The following ARID3B variants were observed in gnomAD, a reference collection of about 807,000 sequenced individuals.
The protein encoded by ARID3B is AT-rich interactive domain-containing protein 3B.
A neutral mutation model predicts 51.9 loss-of-function variants in ARID3B; 10 were observed. That is an observed-to-expected ratio of 0.19 (90% CI 0.12 to 0.33). The LOEUF (loss-of-function observed/expected upper bound fraction) is 0.33. Among genes scored for constraint, ARID3B ranks in the 10% least tolerant of loss-of-function variants. ARID3B has a pLI of 1.00. For missense variants in ARID3B, 483 were observed against 716.3 expected, an observed-to-expected ratio of 0.67 and a Z score of 3.72; for synonymous variants, 205 against 279.5, an observed-to-expected ratio of 0.73 and a Z score of 2.66.
rs532091048 is a variant in ARID3B, at chr15:74,578,685, T to C, written c.697+5481T>C. Among the ~76,000 whole-genome samples the C allele has an allele frequency of 9.9e-5, 15 of 152,238 alleles. No individual in the cohort carries two copies. The South Asian group carries it at 2.9e-3, about 29-fold the overall frequency. On this transcript the variant is annotated intron_variant, in intron 4 of 8. Coordinates refer to ENST00000346246, the MANE Select transcript of ARID3B (RefSeq NM_006465.4). ...ATCACAGGAGTCACTGGAAATAGCC[T>C]GAGTTAGCCTGGACAACATAGTGAG... is the stretch of plus-strand genomic sequence containing the variant.
chr15:74,581,212 T>C (rs1339323206), intron 4 of ARID3B, among the ~76,000 whole-genome samples: 1 of 152,230 alleles, frequency 6.6e-6, no homozygotes, highest in East Asian at 1.9e-4. Context: ...AAACTGACCT[T>C]GGTTTTCCCA....
chr15:74,582,001 C>T (rs1458904121), intron 4 of ARID3B, among the ~76,000 whole-genome samples: 6 of 152,186 alleles, frequency 3.9e-5, no homozygotes, highest in Admixed American at 2.6e-4. Flanking sequence ...GTGCACTGCT[C>T]AGGCCAGAAG....
At chr15:74,552,608 C>G (rs981363832) in intron 2 of ARID3B, among the ~76,000 whole-genome samples, 1 of 151,834 alleles carries the variant, frequency 6.6e-6, no homozygotes, top group Non-Finnish European at 1.5e-5. Context: ...ATCTTTCCCT[C>G]CCCCTTAACC....
intron 4 of ARID3B, among the ~76,000 whole-genome samples, chr15:74,588,399 G>C (rs1399865257): frequency 6.6e-6 from 1 of 152,180 alleles, no homozygotes; most frequent in South Asian, 2.1e-4. Context: ...TTTAGGGAAA[G>C]AAGGCGGATG....
intron 4 of ARID3B, chr15:74,573,473 C>T (rs1372239669): frequency 2.0e-6 from 1 of 489,558 alleles, no homozygotes; most frequent in East Asian, 3.5e-5. Flanking sequence ...TCTCTGGAGT[C>T]ACTTCAAATT....
chr15:74,593,611 T>C (rs1338977795), intron 8 of ARID3B, among the ~76,000 whole-genome samples: 3 of 152,208 alleles, frequency 2.0e-5, no homozygotes, highest in Non-Finnish European at 2.9e-5. Context: ...AACCCCAGTA[T>C]AGGAGAATCA....
intron 2 of ARID3B, among the ~76,000 whole-genome samples, chr15:74,548,304 G>T (rs1314619776): frequency 1.3e-5 from 2 of 152,180 alleles, no homozygotes; most frequent in African/African-American, 4.8e-5. Context: ...GTAGAGCTAG[G>T]TTACTAGAAG....
intron 8 of ARID3B, 135 bp downstream of exon 8, chr15:74,593,371 C>T: frequency 1.3e-6 from 1 of 770,692 alleles, no homozygotes; most frequent in Non-Finnish European, 2.1e-6. Context: ...CTCAGAGTTG[C>T]AAAGGTCAAG....
intron 2 of ARID3B, among the ~76,000 whole-genome samples, chr15:74,559,879 C>T (rs900933493): frequency 6.6e-6 from 1 of 151,324 alleles, no homozygotes; most frequent in Admixed American, 6.6e-5. Flanking sequence ...AGAAAAATGC[C>T]TACTATAGAT....
At position 74,595,930 on chromosome 15, in the gene ARID3B, G is replaced by T. The variant is rs574924021; in HGVS notation, c.*156G>T. The T allele has an allele frequency of 7.3e-6, 6 of 819,926 alleles. No individual in the cohort carries two copies. The East Asian group carries it at 1.7e-4, about 23-fold the overall frequency. 50.8% of individuals were successfully genotyped at this position (819,926 alleles called of 1,614,324 possible). A position where few individuals can be genotyped will look rare whatever the true frequency, so the allele number is the denominator to read the frequency against. ...TGTCCGTCTGTCCAGGCTCCATTCA[G>T]GTCCTGCTGTACTCTGGGGGCAGGG... On this transcript the variant is annotated 3_prime_UTR_variant, in exon 9 of 9. Coordinates refer to ENST00000346246, the MANE Select transcript of ARID3B (RefSeq NM_006465.4).
In ARID3B at chr15:74,550,572, G is replaced by A. The variant is rs76948066; in HGVS notation, c.552+6084G>A. 4.1e-4 allele frequency among the ~76,000 whole-genome samples: 62 copies of A among 151,988 alleles called. 1 individual carries two copies. The East Asian group carries it at 9.7e-3, about 24-fold the overall frequency. On this transcript the variant is annotated intron_variant, in intron 2 of 8. Transcript: ENST00000346246. ...AAAAAAAAAGTTAGCTGGGCGTGGTGGCAGGCGCCTGCGGTCCCAAGCTAC... is the reference window on the plus strand; with the variant it reads ...AAAAAAAAAGTTAGCTGGGCGTGGTAGCAGGCGCCTGCGGTCCCAAGCTAC...
chr15:74,553,976 G>A (rs201712154), intron 2 of ARID3B, among the ~76,000 whole-genome samples: 138 of 150,786 alleles, frequency 9.2e-4, no homozygotes, highest in Middle Eastern at 3.4e-3. Flanking sequence ...GGCATGCACC[G>A]CCACACCCAG....
At chr15:74,567,566 G>T (rs963874594) in intron 2 of ARID3B, among the ~76,000 whole-genome samples, 1 of 151,948 alleles carries the variant, frequency 6.6e-6, no homozygotes, top group African/African-American at 2.4e-5. Flanking sequence ...GGCCCCTAGA[G>T]ACCATCTCAT....
intron 4 of ARID3B, among the ~76,000 whole-genome samples, chr15:74,589,098 GC>G (rs2061793775): frequency 7.3e-6 from 1 of 136,060 alleles, no homozygotes; most frequent in Non-Finnish European, 1.5e-5. Flanking sequence ...TGTGATCTCG[GC>G]TCACTGCAAG....
At chr15:74,554,870 A>G (rs985443124) in intron 2 of ARID3B, among the ~76,000 whole-genome samples, 10 of 152,142 alleles carry the variant, frequency 6.6e-5, no homozygotes, top group Admixed American at 1.3e-4. Context: ...TAAGTCATAC[A>G]TTTTTTGTTT....
chr15:74,595,501 T>A (rs1356161608), intron 8 of ARID3B, 110 bp from the exon 9 acceptor site: 2 of 1,253,100 alleles, frequency 1.6e-6, no homozygotes, highest in Non-Finnish European at 2.2e-6. Flanking sequence ...GCACAGTGTC[T>A]ACAGCGGAGT....
Position 74,589,873 on chromosome 15 carries a change from A to G in ARID3B, c.751A>G (p.Met251Val), listed in dbSNP as rs767020815. The change falls in exon 5 of 9, where the codon ATG (methionine) becomes GTG (valine). Residue 251 changes from methionine (M) to valine (V), a missense_variant. Physicochemically the swap from Met to Val is conservative, Grantham distance 21. Around this residue, in one of 3 missense-constraint regions of ARID3B, gnomAD observed 36 missense variants for 117.5 expected, o/e 0.31. Transcript: ENST00000346246. ...GGCCAAACAGATCCTGGACCTGTAC[A>G]TGCTGTATAAGCTGGTGACCGAGAA... ...IMAKQILDLY[M>V]LYKLVTEKGG... 2 of 1,614,134 alleles carry G rather than the reference A, an allele frequency of 1.2e-6. No individual in the cohort carries two copies. Among genetic ancestry groups the G allele is most frequent in the South Asian group, 1.1e-5 (1 of 91,076 alleles).
chr15:74,587,957 C>T (rs954786693), intron 4 of ARID3B, among the ~76,000 whole-genome samples: 1 of 152,154 alleles, frequency 6.6e-6, no homozygotes, highest in Non-Finnish European at 1.5e-5. Flanking sequence ...GGAAAGAGGC[C>T]TAAGCCAGGT....
chr15:74,584,503 C>T (rs1481895390), intron 4 of ARID3B, among the ~76,000 whole-genome samples: 1 of 152,198 alleles, frequency 6.6e-6, no homozygotes, highest in Non-Finnish European at 1.5e-5. Context: ...GGCCCTCACC[C>T]CTGCCCAGTG....
Sources: allele counts gnomAD v4.1 joint callset (sites outside exome capture counted in the v4.1 genomes callset), GRCh38; gene constraint gnomAD v4.1.1; regional missense constraint gnomAD v4.1.1; transcripts MANE v1.5; gene names NCBI Gene and HGNC (gene_info 2026-07-23, HGNC 2026-07-21).